Variants in PIK3C2G observed in about 807,000 individuals in gnomAD.
PIK3C2G encodes the protein phosphatidylinositol 3-kinase C2 domain-containing subunit gamma.
In PIK3C2G, 168 loss-of-function variants were observed where a neutral mutation model predicts 181.1. That is an observed-to-expected ratio of 0.93 (90% confidence interval 0.82 to 1.05). The LOEUF (loss-of-function observed/expected upper bound fraction) is 1.05. Among genes scored for constraint, PIK3C2G ranks in the 50% least tolerant of loss-of-function variants. PIK3C2G has a pLI of 0.00. For synonymous variants in PIK3C2G, 573 were observed against 592.2 expected (o/e 0.97, Z 0.47); for missense variants, 1,869 against 1,732.8 (o/e 1.08, Z -1.40).
chr12:18,386,480 TTCTATC>T (rs746383894), intron 14 of PIK3C2G, among the ~76,000 whole-genome samples: 5 of 152,172 alleles, frequency 3.3e-5, no homozygotes, highest in Non-Finnish European at 5.9e-5. Flanking sequence ...CTAATCTTCT[TTCTATC>T]TCTGTCAATT....
chr12:18,348,329 CGTGT>C lies in PIK3C2G; in HGVS notation c.1625+1509_1625+1512del, dbSNP rs374919705. ...GAATATAAAAAAGTGTGCATTTACGCGTGTGTGTGTGTGTGTGTGCGTATGAATG... is the reference window on the plus strand; with the variant it reads ...GAATATAAAAAAGTGTGCATTTACGCGTGTGTGTGTGTGTGCGTATGAATG... On this transcript the variant is annotated intron_variant, in intron 11 of 32. Transcript: ENST00000538779. Among the ~76,000 whole-genome samples the C allele has an allele frequency of 1.3e-4, 20 of 148,796 alleles. 1 individual carries two copies. The highest frequency in any genetic ancestry group is 3.6e-3 in the Middle Eastern group (1 of 280).
intron 17 of PIK3C2G, among the ~76,000 whole-genome samples, chr12:18,421,355 A>C: frequency 6.6e-6 from 1 of 152,158 alleles, no homozygotes; most frequent in East Asian, 1.9e-4. Flanking sequence ...AATGTTATGT[A>C]GAAAATAATC....
intron 1 of PIK3C2G, among the ~76,000 whole-genome samples, chr12:18,281,046 T>C (rs1949191763): frequency 6.6e-6 from 1 of 151,842 alleles, no homozygotes; most frequent in South Asian, 2.1e-4. Flanking sequence ...GAGCAGATTC[T>C]TGGGTGAATT....
chr12:18,376,866 A>G (rs1343421789), intron 13 of PIK3C2G, among the ~76,000 whole-genome samples: 2 of 152,174 alleles, frequency 1.3e-5, no homozygotes, highest in Admixed American at 6.5e-5. Context: ...GCCTTCCACC[A>G]TGATTGGAAG....
chr12:18,542,809 T>C (rs1944232011), intron 25 of PIK3C2G, among the ~76,000 whole-genome samples: 1 of 151,976 alleles, frequency 6.6e-6, no homozygotes, highest in Non-Finnish European at 1.5e-5. Flanking sequence ...CAATCTGTCA[T>C]TGATGGGCAT....
At chr12:18,711,629 T>C in the PIK3C2G span, among the ~76,000 whole-genome samples, 26 of 151,682 alleles carry the variant, frequency 1.7e-4, no homozygotes, top group African/African-American at 3.9e-4. Flanking sequence ...TAGGTTACAG[T>C]TGGCAAAAAA....
the PIK3C2G span, chr12:18,684,399 G>T: frequency 1.1e-6 from 1 of 901,720 alleles, no homozygotes; most frequent in Non-Finnish European, 1.7e-6. Flanking sequence ...CTTGTGTTTA[G>T]AGCACATAGG....
intron 5 of PIK3C2G, among the ~76,000 whole-genome samples, chr12:18,303,214 T>G (rs1352616488): frequency 6.6e-6 from 1 of 151,082 alleles, no homozygotes; most frequent in Non-Finnish European, 1.5e-5. Context: ...TTCTTTCTCT[T>G]TTCTTTCCTT....
rs918146642 is a variant in PIK3C2G, at chr12:18,282,713, C to A, written c.632C>A (p.Ser211Tyr). The part of the protein sequence containing the change: ...VEPSLMLLKG[S>Y]LQPGMWESTW... The stretch of plus-strand genomic sequence containing the variant: ...CCATCTTTGATGCTTTTGAAAGGCT[C>A]TCTTCAACCCGGAATGTGGGAAAGT... The change falls in exon 2 of 33, where the codon TCT becomes TAT. Residue 211 changes from serine (S) to tyrosine (Y), a missense_variant. By Grantham distance (144) the Ser-to-Tyr change is moderately radical. Transcript: ENST00000538779. The A allele has an allele frequency of 6.2e-7, 1 of 1,611,772 alleles. No individual in the cohort carries two copies. The highest frequency in any genetic ancestry group is 1.3e-5 in the African/African-American group (1 of 74,894).
intron 8 of PIK3C2G, among the ~76,000 whole-genome samples, chr12:18,330,646 C>T (rs1318051016): frequency 6.6e-6 from 1 of 152,032 alleles, no homozygotes; most frequent in Non-Finnish European, 1.5e-5. Flanking sequence ...AACTATATAT[C>T]CTCTTGTTAT....
chr12:18,693,581 G>A, the PIK3C2G span: 1 of 1,593,976 alleles, frequency 6.3e-7, no homozygotes. Context: ...ACTCGGACGG[G>A]AATTGTTTCG....
At chr12:18,665,613 T>C in the PIK3C2G span, among the ~76,000 whole-genome samples, 1 of 151,978 alleles carries the variant, frequency 6.6e-6, no homozygotes, top group Non-Finnish European at 1.5e-5. Flanking sequence ...ACCAACATAG[T>C]GAAACCCTGT....
chr12:18,267,443 C>T (rs1001879871), intron 1 of PIK3C2G, among the ~76,000 whole-genome samples: 4 of 152,036 alleles, frequency 2.6e-5, no homozygotes, highest in Non-Finnish European at 5.9e-5. Flanking sequence ...GAAGTAAGAT[C>T]TTCTTTTATG....
intron 29 of PIK3C2G, among the ~76,000 whole-genome samples, chr12:18,568,663 A>G (rs899045854): frequency 2.6e-5 from 4 of 152,116 alleles, no homozygotes; most frequent in African/African-American, 9.7e-5. Flanking sequence ...AACTCTGCCA[A>G]TTTCAATATG....
In PIK3C2G at chr12:18,273,264, T is replaced by C. The variant is rs1948823092; in HGVS notation, c.-78-8740T>C. ...CCATTGCTTGTTTTTGTCAGGTTTG[T>C]CAACGATCACATAGTTGTAGATATA... On this transcript the variant is annotated intron_variant, in intron 1 of 32. Transcript: ENST00000538779. 2.0e-5 allele frequency among the ~76,000 whole-genome samples: 3 copies of C among 152,212 alleles called. No individual in the cohort carries two copies. The South Asian group carries it at 6.2e-4, about 31-fold the overall frequency.
At chr12:18,303,325 T>C (rs1463932892) in intron 5 of PIK3C2G, among the ~76,000 whole-genome samples, 2 of 145,888 alleles carry the variant, frequency 1.4e-5, no homozygotes, top group African/African-American at 5.3e-5. Flanking sequence ...CTTTCTCTCT[T>C]TCTCTCTCTC....
rs367550750 is a variant in PIK3C2G at position 18,269,912 on chromosome 12, C to CTTT, written c.-79+8348_-79+8350dup. 4.9e-3 allele frequency among the ~76,000 whole-genome samples: 670 copies of CTTT among 136,898 alleles called. 36 individuals are homozygous for CTTT. The highest frequency in any genetic ancestry group is 0.011 in the Admixed American group (153 of 13,480). 89.8% of individuals were successfully genotyped at this position (136,898 alleles called of 152,430 possible). A position where few individuals can be genotyped will look rare whatever the true frequency, so the allele number is the denominator to read the frequency against. On this transcript the variant is annotated intron_variant, in intron 1 of 32. Transcript: ENST00000538779. ...ACCCTTTTTTCTTTTTTTTTCTTTTCTTTTTTTTTTTTTTTGAGATGGCAT... is the reference window on the plus strand; with the variant it reads ...ACCCTTTTTTCTTTTTTTTTCTTTTCTTTTTTTTTTTTTTTTTTGAGATGGCAT...
intron 11 of PIK3C2G, among the ~76,000 whole-genome samples, chr12:18,361,255 T>C (rs1007995902): frequency 1.3e-5 from 2 of 152,174 alleles, no homozygotes; most frequent in Non-Finnish European, 2.9e-5. Context: ...AATTTCTATT[T>C]GGTTATTTTT....
At chr12:18,388,594 A>G (rs746330858) in intron 14 of PIK3C2G, among the ~76,000 whole-genome samples, 2 of 152,194 alleles carry the variant, frequency 1.3e-5, no homozygotes, top group Non-Finnish European at 2.9e-5. Context: ...TATAATACCA[A>G]CCTACGCACA....
Sources: allele counts gnomAD v4.1 joint callset (sites outside exome capture counted in the v4.1 genomes callset), GRCh38; gene constraint gnomAD v4.1.1; transcripts MANE v1.5; gene names NCBI Gene and HGNC (gene_info 2026-07-23, HGNC 2026-07-21).